SFI1: variants seen among roughly 807,000 people sequenced by gnomAD.
SFI1 encodes the protein SFI1 centrin binding protein.
Under a neutral mutation model 207.5 loss-of-function variants are expected in SFI1, and 195 were observed. That is an observed-to-expected ratio of 0.94 (90% CI 0.84 to 1.06). The LOEUF is 1.06. SFI1 is among the 50% of genes least tolerant of loss of function. The probability of loss-of-function intolerance (pLI) is 0.00; values close to 1 mark genes in which losing one functional copy is unlikely to be tolerated. For synonymous variants in SFI1, 630 were observed against 598.9 expected (o/e 1.05, Z -0.76); for missense variants, 1,634 against 1,588.0 (o/e 1.03, Z -0.49).
chr22:31,568,216 ATATATATATATTT>A (rs2062573755), intron 8 of SFI1, among the ~76,000 whole-genome samples: 2 of 128,976 alleles, frequency 1.6e-5, no homozygotes, highest in Admixed American at 7.6e-5. Context: ...GTGTGTATAT[ATATATATATATTT>A]TTTTTTTTTT....
chr22:31,615,092 C>A lies in SFI1; in HGVS notation c.3113C>A (p.Ala1038Glu). ...CATGGCCTAGGCATGGCTCAGCCAG[C>A]AGCCCCCTCCCTGACGCGGCCCTTC... ...QEHGLGMAQP[A>E]APSLTRPFLA... Residue 1038 changes from alanine (A) to glutamate (E), a missense_variant, in exon 29 of 33, where the codon GCA becomes GAA. By Grantham distance (107) the Ala-to-Glu change is moderately radical (BLOSUM62 -1). Coordinates refer to ENST00000400288, the MANE Select transcript of SFI1 (RefSeq NM_001007467.3). 1 of 1,606,532 alleles carries A rather than the reference C, an allele frequency of 6.2e-7. No homozygotes were observed. Among genetic ancestry groups the A allele is most frequent in the Non-Finnish European group, 8.5e-7 (1 of 1,176,650 alleles).
At chr22:31,508,466 G>T in intron 2 of SFI1, 90 bp downstream of exon 2, 1 of 936,510 alleles carries the variant, frequency 1.1e-6, no homozygotes, top group East Asian at 2.7e-5. Flanking sequence ...TATAAATTAT[G>T]AGTGAGGTAG....
At chr22:31,572,114 C>A (rs2063011509) in intron 8 of SFI1, among the ~76,000 whole-genome samples, 1 of 152,128 alleles carries the variant, frequency 6.6e-6, no homozygotes, top group Non-Finnish European at 1.5e-5. Context: ...AGAGAGAAGA[C>A]AGAGCCCGTG....
chr22:31,608,353 T>C (rs1045998418), intron 22 of SFI1, among the ~76,000 whole-genome samples: 8 of 152,152 alleles, frequency 5.3e-5, no homozygotes, highest in Non-Finnish European at 8.8e-5. Flanking sequence ...GCTCCAGTCT[T>C]TGCCCCATCT....
At chr22:31,542,650 A>G (rs1227107900) in intron 4 of SFI1, among the ~76,000 whole-genome samples, 1 of 151,490 alleles carries the variant, frequency 6.6e-6, no homozygotes, top group Non-Finnish European at 1.5e-5. Context: ...TATAAATACT[A>G]TTATTTATTT....
At chr22:31,536,927 A>G (rs549149893) in intron 4 of SFI1, among the ~76,000 whole-genome samples, 37 of 145,258 alleles carry the variant, frequency 2.5e-4, no homozygotes, top group African/African-American at 7.6e-4. Context: ...CTTTTTTTTT[A>G]CCTTTAGAGA....
chr22:31,549,426 C>G (rs2060424950), intron 5 of SFI1, among the ~76,000 whole-genome samples: 1 of 150,824 alleles, frequency 6.6e-6, no homozygotes, highest in South Asian at 2.1e-4. Context: ...TGGCTCACTG[C>G]AACCACTGCC....
At chr22:31,602,407 CTG>C in intron 16 of SFI1, 114 bp downstream of exon 16, 1 of 1,212,956 alleles carries the variant, frequency 8.2e-7, no homozygotes, top group Non-Finnish European at 1.2e-6. Flanking sequence ...GGGCCCCTGC[CTG>C]TGACTGTTGA....
intron 1 of SFI1, among the ~76,000 whole-genome samples, chr22:31,499,330 G>A (rs1432103105): frequency 6.6e-6 from 1 of 152,116 alleles, no homozygotes; most frequent in Non-Finnish European, 1.5e-5. Context: ...GAGTAGCTGG[G>A]ATTACAGGCA....
chr22:31,598,986 G>A (rs2067661900), intron 15 of SFI1, among the ~76,000 whole-genome samples: 1 of 149,684 alleles, frequency 6.7e-6, no homozygotes, highest in African/African-American at 2.5e-5. Flanking sequence ...TAGAGACGGG[G>A]TTTCACTGTG....
At chr22:31,576,634 C>CT (rs1419676537) in intron 10 of SFI1, among the ~76,000 whole-genome samples, 2 of 151,320 alleles carry the variant, frequency 1.3e-5, no homozygotes, top group East Asian at 1.9e-4. Context: ...TGTATAAACT[C>CT]TTTTTTTTCC....
rs12169596 is a variant in SFI1 at position 31,529,775 on chromosome 22, G to A, written c.266+912G>A. ...AGCCAGCAGTTACTCTCTGGAGGAA[G>A]TGGAGTTTAAGCTCAGCCCTGAAGG... is the stretch of plus-strand genomic sequence containing the variant. On this transcript the variant is annotated intron_variant, in intron 3 of 32. Coordinates refer to ENST00000400288, the MANE Select transcript of SFI1 (RefSeq NM_001007467.3). 7.4e-3 allele frequency among the ~76,000 whole-genome samples: 1,126 copies of A among 152,290 alleles called. 26 individuals carry two copies. The highest frequency in any genetic ancestry group is 0.025 in the African/African-American group (1,023 of 41,560).
intron 4 of SFI1, among the ~76,000 whole-genome samples, chr22:31,544,182 G>T (rs1413188457): frequency 6.6e-6 from 1 of 152,030 alleles, no homozygotes; most frequent in East Asian, 1.9e-4. Context: ...TAGCAAGACT[G>T]TCTCAAAAAA....
At chr22:31,558,152 C>T (rs1015723694) in intron 7 of SFI1, among the ~76,000 whole-genome samples, 6 of 152,078 alleles carry the variant, frequency 3.9e-5, no homozygotes, top group East Asian at 1.9e-4. Context: ...AAAGGTTTGT[C>T]ATCAGGAATA....
rs377545953 is a variant in SFI1, at chr22:31,613,403, C to T, written c.2615C>T (p.Ala872Val). ...GTACTGGAAAGGAGGAGAAAGAAGG[C>T]GCGGCTGCAGTGGGCGCTCCAGGCC... ...AFVLERRRKKARLQWALQAYQ... is the reference protein window; with the variant it reads ...AFVLERRRKKVRLQWALQAYQ... The change falls in exon 26 of 33, where the codon GCG (alanine) becomes GTG (valine). Residue 872 changes from alanine to valine, a missense_variant. Coordinates refer to ENST00000400288, the MANE Select transcript of SFI1 (RefSeq NM_001007467.3). 51 of 1,611,164 alleles carry T rather than the reference C, an allele frequency of 3.2e-5. No homozygotes were observed. The highest frequency in any genetic ancestry group is 1.6e-4 in the Middle Eastern group (1 of 6,076).
chr22:31,594,000 G>GAGGGAC (rs1233556128), intron 15 of SFI1, among the ~76,000 whole-genome samples: 1 of 86,758 alleles, frequency 1.2e-5, no homozygotes, highest in Non-Finnish European at 2.7e-5. Context: ...GGGAGAGGGA[G>GAGGGAC]AGGGACAGGG....
At chr22:31,503,827 G>C (rs1372277816) in intron 1 of SFI1, among the ~76,000 whole-genome samples, 1 of 151,090 alleles carries the variant, frequency 6.6e-6, no homozygotes, top group Non-Finnish European at 1.5e-5. Flanking sequence ...GACCTCAGGT[G>C]ATCCACCTGC....
At chr22:31,613,106 G>T (rs754151303) in intron 24 of SFI1, 36 bp from the exon 25 acceptor site, 1 of 1,608,432 alleles carries the variant, frequency 6.2e-7, no homozygotes. Flanking sequence ...TCCTTGAAGG[G>T]GCTATAGGGA....
At chr22:31,522,759 G>T (rs897477801) in intron 2 of SFI1, among the ~76,000 whole-genome samples, 1 of 151,948 alleles carries the variant, frequency 6.6e-6, no homozygotes, top group African/African-American at 2.4e-5. Context: ...GTGTTTAAGC[G>T]ATTCTCTTGC....
Sources: allele counts gnomAD v4.1 joint callset (sites outside exome capture counted in the v4.1 genomes callset), GRCh38; gene constraint gnomAD v4.1.1; transcripts MANE v1.5; gene names NCBI Gene and HGNC (gene_info 2026-07-23, HGNC 2026-07-21).